Variants in ABCB7 observed in about 807,000 individuals in gnomAD.
ABCB7 encodes the protein ATP binding cassette subfamily B member 7.
A neutral mutation model predicts 54.4 loss-of-function variants in ABCB7; 7 were observed. The ratio of observed to expected loss-of-function variants is 0.13; its 90% CI spans 0.07 to 0.24. The LOEUF (loss-of-function observed/expected upper bound fraction) is 0.24, where lower values mean the gene tolerates loss of function less well. ABCB7 is among the 10% of genes least tolerant of loss of function. The probability of loss-of-function intolerance (pLI) is 1.00; values close to 1 mark genes in which losing one functional copy is unlikely to be tolerated. For synonymous variants in ABCB7, 218 were observed against 207.1 expected, an observed-to-expected ratio of 1.05 and a Z score of -0.45; for missense variants, 356 against 570.4, an observed-to-expected ratio of 0.62 and a Z score of 3.83.
At chrX:75,125,884 A>G (rs1261356650) in intron 1 of ABCB7, among the ~76,000 whole-genome samples, 2 of 110,937 alleles carry the variant, frequency 1.8e-5, no homozygotes, top group Non-Finnish European at 3.8e-5. Flanking sequence ...AAATGCCTTA[A>G]TTTTGCTCCC....
intron 1 of ABCB7, among the ~76,000 whole-genome samples, chrX:75,116,611 C>T (rs879243606): frequency 6.3e-5 from 7 of 111,119 alleles, no homozygotes; most frequent in African/African-American, 2.3e-4. Flanking sequence ...TTGAAATCTA[C>T]CAACAATTTA....
intron 3 of ABCB7, among the ~76,000 whole-genome samples, chrX:75,099,729 C>A (rs2081622886): frequency 9.0e-6 from 1 of 110,749 alleles, no homozygotes; most frequent in Admixed American, 9.6e-5. Flanking sequence ...AGAATAAAAA[C>A]CACATTTTCT....
intron 15 of ABCB7, among the ~76,000 whole-genome samples, chrX:75,054,080 T>C (rs2081216649): frequency 8.9e-6 from 1 of 112,320 alleles, no homozygotes; most frequent in Admixed American, 9.4e-5. Context: ...AGTGGCTATT[T>C]TTGTTAACAA....
intron 14 of ABCB7, among the ~76,000 whole-genome samples, chrX:75,060,570 C>G (rs1362294139): frequency 9.0e-6 from 1 of 111,236 alleles, no homozygotes; most frequent in Non-Finnish European, 1.9e-5. Context: ...AATTCTTAGG[C>G]AACATTTCTC....
chrX:75,096,456 G>C (rs1203679351), intron 4 of ABCB7, among the ~76,000 whole-genome samples: 1 of 111,471 alleles, frequency 9.0e-6, no homozygotes, highest in Non-Finnish European at 1.9e-5. Flanking sequence ...CTCCTTCTCA[G>C]TTTCCTCTAT....
intron 1 of ABCB7, among the ~76,000 whole-genome samples, chrX:75,118,636 G>A (rs1449009403): frequency 9.0e-6 from 1 of 111,352 alleles, no homozygotes; most frequent in African/African-American, 3.3e-5. Context: ...TTACTTTTGG[G>A]GGGGTGACAG....
chrX:75,108,274 G>A (rs183049072), intron 3 of ABCB7, among the ~76,000 whole-genome samples: 41 of 111,297 alleles, frequency 3.7e-4, no homozygotes, highest in African/African-American at 1.3e-3. Context: ...GGGGGAACTC[G>A]CCACCCAGAG....
At chrX:75,102,527 A>G (rs1225136322) in intron 3 of ABCB7, among the ~76,000 whole-genome samples, 1 of 111,910 alleles carries the variant, frequency 8.9e-6, no homozygotes, top group African/African-American at 3.2e-5. Flanking sequence ...GACTAAGAGT[A>G]TTCCACATTT....
intron 4 of ABCB7, among the ~76,000 whole-genome samples, chrX:75,092,031 T>A (rs990330102): frequency 1.7e-4 from 19 of 110,900 alleles, no homozygotes; most frequent in South Asian, 3.8e-4. Context: ...GTGACCCCAA[T>A]CAAAATCCCA....
At chrX:75,096,373 C>T (rs2081591903) in intron 4 of ABCB7, among the ~76,000 whole-genome samples, 1 of 111,849 alleles carries the variant, frequency 8.9e-6, no homozygotes. Context: ...ACAGAGATTA[C>T]AGATGAGAAA....
intron 15 of ABCB7, among the ~76,000 whole-genome samples, 165 bp downstream of exon 15, chrX:75,060,058 T>C (rs2081270845): frequency 8.9e-6 from 1 of 112,152 alleles, no homozygotes; most frequent in Non-Finnish European, 1.9e-5. Flanking sequence ...CTTTATTCCT[T>C]CTTGGAAGTG....
intron 3 of ABCB7, among the ~76,000 whole-genome samples, chrX:75,110,031 A>G (rs2081744553): frequency 8.9e-6 from 1 of 112,046 alleles, no homozygotes. Flanking sequence ...AGTTGTCAGG[A>G]AAGGCTTTAC....
At chrX:75,088,109 C>T (rs1052345318) in intron 4 of ABCB7, among the ~76,000 whole-genome samples, 3 of 111,827 alleles carry the variant, frequency 2.7e-5, no homozygotes, top group Admixed American at 9.5e-5. Flanking sequence ...GGCCTTATCC[C>T]CTAAAATTTG....
chrX:75,142,269 A>G (rs1363392192), intron 1 of ABCB7, among the ~76,000 whole-genome samples: 1 of 112,068 alleles, frequency 8.9e-6, no homozygotes, highest in Non-Finnish European at 1.9e-5. Context: ...TCATCTCTAT[A>G]TTACTTGTAG....
intron 4 of ABCB7, among the ~76,000 whole-genome samples, chrX:75,078,966 G>A (rs1167127121): frequency 1.8e-5 from 2 of 112,019 alleles, no homozygotes; most frequent in African/African-American, 6.5e-5. Context: ...TTCTTCAGTA[G>A]GAGAAAAAGT....
chrX:75,064,027 C>T (rs2081300102), intron 13 of ABCB7, among the ~76,000 whole-genome samples: 1 of 111,048 alleles, frequency 9.0e-6, no homozygotes, highest in African/African-American at 3.3e-5. Context: ...GGCCAGATAA[C>T]TGGAAATTAC....
Position 75,053,539 on chromosome X carries a change from G to A in ABCB7, c.2090C>T (p.Pro697Leu), listed in dbSNP as rs757771281. Residue 697 changes from proline (P) to leucine (L), a missense_variant, in exon 16 of 16, where the codon CCT (proline) becomes CTT (leucine). Coordinates refer to ENST00000373394, the MANE Select transcript of ABCB7 (RefSeq NM_001271696.3). ...CCACATTTCTGAATAGATACTATGA[G>A]GGTTAGCAAGCAAACCATGGTGGGT... Reference protein sequence around the residue: ...RGTHHGLLANPHSIYSEMWHT... With the variant: ...RGTHHGLLANLHSIYSEMWHT... The A allele has an allele frequency of 8.3e-7, 1 of 1,203,474 alleles. No individual in the cohort carries two copies. Among genetic ancestry groups the A allele is most frequent in the African/African-American group, 1.7e-5 (1 of 57,719 alleles).
At position 75,094,570 on chromosome X, in the gene ABCB7, G is replaced by A. The variant is rs747447022; in HGVS notation, c.453+4372C>T. Among the ~76,000 whole-genome samples the A allele has an allele frequency of 3.6e-5, 4 of 110,339 alleles. No individual in the cohort carries two copies. The South Asian group carries it at 1.6e-3, about 43-fold the overall frequency. On this transcript the variant is annotated intron_variant, in intron 4 of 15. Transcript: ENST00000373394. ...TCCACTAAAAATACAAAAATTAGAC[G>A]GGCATGGTGGCATGCACCTGTAATC...
intron 5 of ABCB7, 40 bp downstream of exon 5, chrX:75,076,482 A>T: frequency 8.3e-7 from 1 of 1,203,881 alleles, no homozygotes. Flanking sequence ...CTCCTTGAAG[A>T]AAGTCAACAC....
Sources: allele counts gnomAD v4.1 joint callset (sites outside exome capture counted in the v4.1 genomes callset), GRCh38; gene constraint gnomAD v4.1.1; transcripts MANE v1.5; gene names NCBI Gene and HGNC (gene_info 2026-07-23, HGNC 2026-07-21).